The following SDK2 variants were observed in gnomAD, a reference collection of about 807,000 sequenced individuals.
SDK2 encodes sidekick cell adhesion molecule 2, also known as protein sidekick-2.
In SDK2, 105 loss-of-function variants were observed where a neutral mutation model predicts 253.9. That is an observed-to-expected ratio of 0.41 (90% CI 0.35 to 0.49). The LOEUF (loss-of-function observed/expected upper bound fraction) is 0.49. Ranked by LOEUF, SDK2 falls within the 20% of genes least tolerant of loss-of-function variation. SDK2 has a pLI of 0.06. For missense variants in SDK2, 2,608 were observed against 3,003.0 expected, an observed-to-expected ratio of 0.87 and a Z score of 3.07; for synonymous variants, 1,249 against 1,234.9, an observed-to-expected ratio of 1.01 and a Z score of -0.24.
chr17:73,424,860 A>G (rs1238278647), intron 12 of SDK2, among the ~76,000 whole-genome samples: 1 of 152,210 alleles, frequency 6.6e-6, no homozygotes, highest in Non-Finnish European at 1.5e-5. Context: ...TCCCAGGACT[A>G]TCTGGGTTTA....
chr17:73,371,687 C>A (rs561153042), intron 36 of SDK2, among the ~76,000 whole-genome samples: 82 of 152,058 alleles, frequency 5.4e-4, no homozygotes, highest in African/African-American at 1.9e-3. Context: ...AGGCCAGGTG[C>A]GGTGGCTCAC....
At chr17:73,594,490 G>GGAGA (rs147763934) in intron 1 of SDK2, among the ~76,000 whole-genome samples, 1 of 151,410 alleles carries the variant, frequency 6.6e-6, no homozygotes, top group Admixed American at 6.6e-5. Context: ...AGAGGGAGGG[G>GGAGA]GAGAGAGAGA....
chr17:73,555,490 G>A (rs35723394), intron 1 of SDK2, among the ~76,000 whole-genome samples: 4,166 of 152,334 alleles, frequency 0.027, 89 homozygotes, highest in Non-Finnish European at 0.043. Context: ...GAAAGGAAGG[G>A]GCTGGCCCAA....
At position 73,511,119 on chromosome 17, in the gene SDK2, T is replaced by C. The variant is rs2063976862; in HGVS notation, c.65-3522A>G. Reference sequence around the variant, plus strand: ...CTTAACAAATGGGCACATTCTTACTTCAAAGGCGCATTCATATTCTCCAGC... The same window carrying C: ...CTTAACAAATGGGCACATTCTTACTCCAAAGGCGCATTCATATTCTCCAGC... On this transcript the variant is annotated intron_variant, in intron 1 of 44. Coordinates refer to ENST00000392650, the MANE Select transcript of SDK2 (RefSeq NM_001144952.2). This position sits in a 1 kb window ranked among gnomAD's most constrained non-coding sequence, Gnocchi z 4.9. Among the ~76,000 whole-genome samples the C allele has an allele frequency of 6.6e-6, 1 of 152,192 alleles. No individual in the cohort carries two copies. The highest frequency in any genetic ancestry group is 1.5e-5 in the Non-Finnish European group (1 of 68,028).
At position 73,388,196 on chromosome 17, in the gene SDK2, C is replaced by T. The variant is rs1474236710; in HGVS notation, c.4193-159G>A. On this transcript the variant is annotated intron_variant, in intron 29 of 44. Coordinates refer to ENST00000392650, the MANE Select transcript of SDK2 (RefSeq NM_001144952.2). ...CGCAGGATCCTTGCAGGTTCTCACA[C>T]CTGGGTACAGCCAGCACCCCTCTCC... Among the ~76,000 whole-genome samples, 5 of 152,142 alleles carry T rather than the reference C, an allele frequency of 3.3e-5. No homozygotes were observed. The East Asian group carries it at 7.7e-4, about 23-fold the overall frequency.
chr17:73,433,808 C>G lies in SDK2; in HGVS notation c.1236G>C (p.Thr412=). 6.2e-7 allele frequency: 1 copy of G among 1,600,082 alleles called. No individual in the cohort carries two copies. The highest frequency in any genetic ancestry group is 8.5e-7 in the Non-Finnish European group (1 of 1,173,358). ...GCACCACTGACATGCCATCGATCACCGTGCTGTCCAGGGGGCCTCTGGTGA... is the reference window on the plus strand; with the variant it reads ...GCACCACTGACATGCCATCGATCACGGTGCTGTCCAGGGGGCCTCTGGTGA... ...PNITRGPLDS[T]VIDGMSVVLA... Residue 412 remains threonine, a synonymous_variant, in exon 10 of 45, where the codon ACG becomes ACC. Transcript: ENST00000392650.
chr17:73,596,843 A>G (rs1468200078), intron 1 of SDK2, among the ~76,000 whole-genome samples: 1 of 152,210 alleles, frequency 6.6e-6, no homozygotes, highest in African/African-American at 2.4e-5. Context: ...TGTCTGAGCA[A>G]AAGAGGGAGA....
At position 73,435,638 on chromosome 17, in the gene SDK2, G is replaced by T; in HGVS notation, c.1007C>A (p.Pro336Gln). The T allele has an allele frequency of 6.4e-7, 1 of 1,560,264 alleles. No individual in the cohort carries two copies. Among genetic ancestry groups the T allele is most frequent in the Non-Finnish European group, 8.7e-7 (1 of 1,152,048 alleles). Reference sequence around the variant, plus strand: ...CTTGTACCAGGTGATGGAGGGCGGCGGCACACCTGTGGGCAAGACGTGGGC... The same window carrying T: ...CTTGTACCAGGTGATGGAGGGCGGCTGCACACCTGTGGGCAAGACGTGGGC... ...VDIPCQAKGV[P>Q]PPSITWYKDA... The change falls in exon 9 of 45, where the codon CCG becomes CAG. Residue 336 changes from proline to glutamine, a missense_variant. Physicochemically the swap from Pro to Gln is moderately conservative, Grantham distance 76. Transcript: ENST00000392650. This position sits in a 1 kb window ranked among gnomAD's most constrained non-coding sequence, Gnocchi z 5.7.
rs758361913 is a variant in SDK2, at chr17:73,541,228, C to T, written c.65-33631G>A. 1.6e-4 allele frequency among the ~76,000 whole-genome samples: 25 copies of T among 152,252 alleles called. No homozygotes were observed. Among genetic ancestry groups the T allele is most frequent in the East Asian group, 9.7e-4 (5 of 5,170 alleles). On this transcript the variant is annotated intron_variant, in intron 1 of 44. Transcript: ENST00000392650. This position sits in a 1 kb window ranked among gnomAD's most constrained non-coding sequence, Gnocchi z 4.3. ...TGGGGCAGCAGTGAAGGGAGGTGCC[C>T]GGGGGGCTGCAGGGGATGGGCTGCA...
intron 1 of SDK2, among the ~76,000 whole-genome samples, chr17:73,544,465 C>T (rs887953778): frequency 3.3e-5 from 5 of 152,272 alleles, no homozygotes; most frequent in East Asian, 1.9e-4. Context: ...AAAGAAGATA[C>T]TCCACTTATT....
intron 18 of SDK2, among the ~76,000 whole-genome samples, chr17:73,406,501 C>T (rs767111859): frequency 3.3e-5 from 5 of 151,574 alleles, no homozygotes; most frequent in East Asian, 2.0e-4. Context: ...CTGCCCGCCT[C>T]GGCCTTCCAA....
In SDK2 at chr17:73,443,512, C is replaced by G. The variant is rs1567776370; in HGVS notation, c.614-2589G>C. On this transcript the variant is annotated intron_variant, in intron 5 of 44. Transcript: ENST00000392650. The surrounding 1 kb of genome is among the most constrained non-coding windows in gnomAD (Gnocchi z 4.6). ...GCCCAAGCCAGAGCGCCGCATGGCA[C>G]AGCCAGGTAAACAGGGAGACCTCAA... 6.6e-6 allele frequency among the ~76,000 whole-genome samples: 1 copy of G among 152,240 alleles called. No individual in the cohort carries two copies. Among genetic ancestry groups the G allele is most frequent in the Non-Finnish European group, 1.5e-5 (1 of 68,050 alleles).
intron 1 of SDK2, among the ~76,000 whole-genome samples, chr17:73,508,979 G>A (rs893760640): frequency 1.3e-5 from 2 of 152,224 alleles, no homozygotes; most frequent in African/African-American, 2.4e-5. Flanking sequence ...CAGCCGGCGG[G>A]GAGGAGTCCA....
chr17:73,607,356 G>C (rs193185339), intron 1 of SDK2, among the ~76,000 whole-genome samples: 17 of 151,986 alleles, frequency 1.1e-4, no homozygotes, highest in African/African-American at 3.9e-4. Flanking sequence ...TGAGAGCAGG[G>C]AGAGGCCCAC....
chr17:73,387,510 G>C (rs188232539), intron 30 of SDK2, among the ~76,000 whole-genome samples: 187 of 152,324 alleles, frequency 1.2e-3, no homozygotes, highest in African/African-American at 4.1e-3. Flanking sequence ...CCCTATTAAA[G>C]CTGGAGAGGA....
At chr17:73,476,505 AT>A (rs1315775807) in intron 2 of SDK2, among the ~76,000 whole-genome samples, 1 of 152,250 alleles carries the variant, frequency 6.6e-6, no homozygotes, top group Non-Finnish European at 1.5e-5. Context: ...TGTGCACATA[AT>A]TTAAGCATAC....
intron 28 of SDK2, among the ~76,000 whole-genome samples, chr17:73,391,109 T>A (rs1478171354): frequency 1.3e-5 from 2 of 152,232 alleles, no homozygotes; most frequent in Non-Finnish European, 2.9e-5. Flanking sequence ...CCAGCTGTGC[T>A]GAGCCTGCCA....
At chr17:73,506,706 G>A (rs887900154) in intron 2 of SDK2, among the ~76,000 whole-genome samples, 11 of 152,356 alleles carry the variant, frequency 7.2e-5, no homozygotes, top group African/African-American at 2.6e-4. Context: ...GGAGGTGGGA[G>A]GATAAGAGCA....
At chr17:73,412,811 G>A (rs1253430716) in intron 18 of SDK2, among the ~76,000 whole-genome samples, 1 of 152,066 alleles carries the variant, frequency 6.6e-6, no homozygotes, top group Non-Finnish European at 1.5e-5. Context: ...CCAGCTACTC[G>A]GGAGGCTGAG....
Sources: gnomAD v4.1 joint callset for allele counts (sites outside exome capture counted in the v4.1 genomes callset) on GRCh38, gnomAD v4.1.1 for gene constraint, Gnocchi (gnomAD v3.1) non-coding constraint, MANE v1.5 for transcripts, NCBI Gene and HGNC (gene_info 2026-07-23, HGNC 2026-07-21) for gene names.